The following EYS variants were observed in gnomAD, a reference collection of about 807,000 sequenced individuals.
EYS encodes EGF-like photoreceptor maintenance factor, also known as protein eyes shut homolog.
Under a neutral mutation model 282.1 loss-of-function variants are expected in EYS, and 250 were observed. The observed-to-expected ratio is 0.89, with a 90% CI of 0.80 to 0.98. The LOEUF (loss-of-function observed/expected upper bound fraction) is 0.98, where lower values mean the gene tolerates loss of function less well. Among genes scored for constraint, EYS ranks in the 50% least tolerant of loss-of-function variants. EYS has a pLI of 0.00. For missense variants in EYS, 4,016 were observed against 3,709.0 expected (o/e 1.08, Z -2.15); for synonymous variants, 1,355 against 1,282.9 (o/e 1.06, Z -1.20).
chr6:64,684,175 T>A (rs540384000), intron 22 of EYS, among the ~76,000 whole-genome samples: 2 of 152,274 alleles, frequency 1.3e-5, no homozygotes, highest in Admixed American at 6.5e-5. Flanking sequence ...ACTGTATGAA[T>A]GGTATCTGAC....
rs1208283155 is a variant in EYS, at chr6:64,946,165, A to G, written c.2260-251T>C. ...TACAGAAGGTATTAAAGATTTATGCATTATGCTCACAATGTAGAATTATCA... is the reference window on the plus strand; with the variant it reads ...TACAGAAGGTATTAAAGATTTATGCGTTATGCTCACAATGTAGAATTATCA... On this transcript the variant is annotated intron_variant, in intron 14 of 42. Transcript: ENST00000503581. Among the ~76,000 whole-genome samples, 5 of 152,176 alleles carry G rather than the reference A, an allele frequency of 3.3e-5. No individual in the cohort carries two copies. The South Asian group carries it at 8.3e-4, about 25-fold the overall frequency.
intron 5 of EYS, among the ~76,000 whole-genome samples, chr6:65,416,126 T>A (rs1414384586): frequency 6.6e-6 from 1 of 151,906 alleles, no homozygotes; most frequent in African/African-American, 2.4e-5. Context: ...GGCTCAATAG[T>A]CTTTGTTGTT....
chr6:64,344,880 T>C (rs1771309362), intron 29 of EYS, among the ~76,000 whole-genome samples: 1 of 152,080 alleles, frequency 6.6e-6, no homozygotes, highest in Non-Finnish European at 1.5e-5. Context: ...TGTGCAAAAA[T>C]CACAAGCACT....
At chr6:64,038,667 TC>T (rs142792146) in intron 33 of EYS, among the ~76,000 whole-genome samples, 5,595 of 152,108 alleles carry the variant, frequency 0.037, 329 homozygotes, top group African/African-American at 0.13. Flanking sequence ...ATGGGCAATT[TC>T]TTTTTTCCTC....
chr6:64,262,820 C>G (rs1359704766), intron 30 of EYS, among the ~76,000 whole-genome samples: 1 of 151,960 alleles, frequency 6.6e-6, no homozygotes, highest in Admixed American at 6.6e-5. Flanking sequence ...GTATGTCTCT[C>G]TTTTCATTAA....
At chr6:64,763,397 G>A (rs1723835270) in intron 22 of EYS, among the ~76,000 whole-genome samples, 1 of 152,122 alleles carries the variant, frequency 6.6e-6, no homozygotes, top group East Asian at 1.9e-4. Flanking sequence ...GAGAGAGACA[G>A]AGCAAGGGGA....
chr6:63,967,704 C>T (rs1766372756), intron 35 of EYS, among the ~76,000 whole-genome samples: 1 of 152,152 alleles, frequency 6.6e-6, no homozygotes, highest in Non-Finnish European at 1.5e-5. Context: ...CATAATTAAT[C>T]CCCATAAGCA....
chr6:64,264,968 G>A (rs1046666616), intron 30 of EYS, among the ~76,000 whole-genome samples: 3 of 151,986 alleles, frequency 2.0e-5, no homozygotes, highest in South Asian at 2.1e-4. Flanking sequence ...AAGAGGTTAC[G>A]GATTGAGGAT....
chr6:65,213,293 G>T (rs1427777813), intron 12 of EYS, among the ~76,000 whole-genome samples: 1 of 152,258 alleles, frequency 6.6e-6, no homozygotes, highest in African/African-American at 2.4e-5. Context: ...GAATCCCAGC[G>T]GTGACCTTCA....
intron 22 of EYS, among the ~76,000 whole-genome samples, chr6:64,634,679 C>T (rs911308851): frequency 1.3e-5 from 2 of 152,090 alleles, no homozygotes; most frequent in African/African-American, 4.8e-5. Flanking sequence ...CTCCACATGC[C>T]ATGTGAGGAT....
At chr6:64,594,589 G>A (rs1384916388) in intron 24 of EYS, among the ~76,000 whole-genome samples, 1 of 150,540 alleles carries the variant, frequency 6.6e-6, no homozygotes, top group East Asian at 2.0e-4. Flanking sequence ...ACTATCGCAA[G>A]GACAAAAAAC....
intron 26 of EYS, among the ~76,000 whole-genome samples, chr6:64,528,928 A>G (rs2150530336): frequency 6.6e-6 from 1 of 152,180 alleles, no homozygotes; most frequent in East Asian, 1.9e-4. Context: ...TTTGTGTTAA[A>G]CAATAAATAA....
intron 28 of EYS, among the ~76,000 whole-genome samples, chr6:64,390,429 G>C (rs1248210846): frequency 3.3e-5 from 5 of 152,054 alleles, no homozygotes; most frequent in African/African-American, 9.7e-5. Flanking sequence ...GGAGATCTCA[G>C]AACGGGCAGA....
intron 22 of EYS, among the ~76,000 whole-genome samples, chr6:64,633,061 T>C (rs1413300798): frequency 6.6e-6 from 1 of 152,168 alleles, no homozygotes; most frequent in Non-Finnish European, 1.5e-5. Flanking sequence ...ATATTATGTA[T>C]CTTGAAGGTC....
intron 2 of EYS, among the ~76,000 whole-genome samples, chr6:65,529,815 A>G (rs1238542519): frequency 6.6e-6 from 1 of 152,092 alleles, no homozygotes; most frequent in Admixed American, 6.6e-5. Flanking sequence ...TGCTCTTTCC[A>G]TCATGTGAGG....
intron 5 of EYS, among the ~76,000 whole-genome samples, chr6:65,437,593 T>C (rs1768122834): frequency 6.6e-6 from 1 of 152,192 alleles, no homozygotes; most frequent in African/African-American, 2.4e-5. Flanking sequence ...CATGTTAATA[T>C]AACTTAAAAT....
chr6:64,014,190 C>T (rs1176576580), intron 33 of EYS, among the ~76,000 whole-genome samples: 1 of 151,872 alleles, frequency 6.6e-6, no homozygotes, highest in African/African-American at 2.4e-5. Context: ...AGGTAACAAG[C>T]AGATCACTTT....
At chr6:64,335,777 C>G (rs1041747528) in intron 29 of EYS, among the ~76,000 whole-genome samples, 2 of 152,126 alleles carry the variant, frequency 1.3e-5, no homozygotes, top group Non-Finnish European at 2.9e-5. Flanking sequence ...CAGCAGATTT[C>G]TCAGCAGAAA....
At chr6:63,891,809 CAT>C (rs1270082826) in intron 35 of EYS, among the ~76,000 whole-genome samples, 3 of 152,288 alleles carry the variant, frequency 2.0e-5, no homozygotes, top group Admixed American at 6.5e-5. Flanking sequence ...TTTGAGATGA[CAT>C]GATTGTATAT....
Sources: allele counts gnomAD v4.1 joint callset (sites outside exome capture counted in the v4.1 genomes callset), GRCh38; gene constraint gnomAD v4.1.1; transcripts MANE v1.5; gene names NCBI Gene and HGNC (gene_info 2026-07-23, HGNC 2026-07-21).